ALK: variants seen among roughly 807,000 people sequenced by gnomAD.
ALK encodes the protein ALK tyrosine kinase receptor.
A neutral mutation model predicts 163.1 loss-of-function variants in ALK; 74 were observed. The ratio of observed to expected loss-of-function variants is 0.45; its 90% confidence interval spans 0.38 to 0.55. ALK has a LOEUF of 0.55. ALK is among the 20% of genes least tolerant of loss of function. The pLI is 0.00. For synonymous variants in ALK, 960 were observed against 843.2 expected (o/e 1.14, Z -2.40); for missense variants, 2,063 against 2,105.3 (o/e 0.98, Z 0.39).
At chr2:29,893,783 C>G (rs1667204412) in intron 1 of ALK, among the ~76,000 whole-genome samples, 1 of 152,072 alleles carries the variant, frequency 6.6e-6, no homozygotes, top group South Asian at 2.1e-4. Context: ...ATTTCAAGAA[C>G]AGTGGCTCAA....
At chr2:29,299,677 G>A (rs918797503) in intron 8 of ALK, among the ~76,000 whole-genome samples, 5 of 152,218 alleles carry the variant, frequency 3.3e-5, no homozygotes, top group Non-Finnish European at 4.4e-5. Flanking sequence ...AAGTGTAAGA[G>A]CACAAGGTTG....
chr2:29,494,843 CGTGTGTGT>C (rs35306598), intron 4 of ALK, among the ~76,000 whole-genome samples: 18 of 147,318 alleles, frequency 1.2e-4, no homozygotes, highest in Middle Eastern at 3.4e-3. Flanking sequence ...TTTAGAGACT[CGTGTGTGT>C]GTGTGTGTGT....
At chr2:29,917,581 G>A (rs1020151610) in intron 1 of ALK, among the ~76,000 whole-genome samples, 4 of 152,210 alleles carry the variant, frequency 2.6e-5, no homozygotes, top group Non-Finnish European at 4.4e-5. Flanking sequence ...CTGCAATGGA[G>A]ACTGTATCTG....
chr2:29,707,507 C>T (rs1025240564), intron 2 of ALK, among the ~76,000 whole-genome samples: 5 of 152,152 alleles, frequency 3.3e-5, no homozygotes, highest in African/African-American at 1.2e-4. Context: ...TGGGCTGCAT[C>T]TTGAAGGATG....
chr2:29,838,747 G>T (rs1246120470), intron 1 of ALK, among the ~76,000 whole-genome samples: 1 of 152,116 alleles, frequency 6.6e-6, no homozygotes, highest in Non-Finnish European at 1.5e-5. Flanking sequence ...ATGAATAACA[G>T]TGTTTGCCTC....
chr2:29,245,315 A>G (rs1249680725), intron 12 of ALK, among the ~76,000 whole-genome samples: 1 of 124,726 alleles, frequency 8.0e-6, no homozygotes, highest in Non-Finnish European at 1.6e-5. Flanking sequence ...AGTGCCCTGC[A>G]CACAGTAGGG....
chr2:29,316,999 C>T (rs532410205), intron 8 of ALK, among the ~76,000 whole-genome samples: 25 of 152,266 alleles, frequency 1.6e-4, no homozygotes, highest in African/African-American at 5.1e-4. Flanking sequence ...AACCACTCCT[C>T]GGATTAAAAA....
intron 9 of ALK, among the ~76,000 whole-genome samples, chr2:29,294,806 C>A (rs1296129368): frequency 1.3e-5 from 2 of 152,294 alleles, no homozygotes; most frequent in Middle Eastern, 6.8e-3. Flanking sequence ...AGTAAGTGAC[C>A]ATGGCAGTTT....
intron 4 of ALK, among the ~76,000 whole-genome samples, chr2:29,470,685 A>AT (rs11325298): frequency 0.028 from 4,146 of 148,842 alleles, 88 homozygotes; most frequent in Middle Eastern, 0.07. Context: ...AAACAGCTGA[A>AT]TTTTTTTTTT....
intron 1 of ALK, among the ~76,000 whole-genome samples, chr2:29,806,881 C>G (rs1260422727): frequency 6.6e-6 from 1 of 152,200 alleles, no homozygotes; most frequent in Non-Finnish European, 1.5e-5. Flanking sequence ...GAGGAACAAA[C>G]AGGGTTCTTG....
chr2:29,250,928 A>G (rs1385547491), intron 12 of ALK, among the ~76,000 whole-genome samples, 177 bp downstream of exon 12: 7 of 152,196 alleles, frequency 4.6e-5, no homozygotes. Flanking sequence ...TTTTGTTGCC[A>G]TATTTCACTC....
intron 4 of ALK, among the ~76,000 whole-genome samples, chr2:29,454,835 T>C (rs540106440): frequency 6.6e-6 from 1 of 152,274 alleles, no homozygotes; most frequent in South Asian, 2.1e-4. Context: ...TTGATACATA[T>C]AGTTAAAATT....
rs56364399 is a variant in ALK, at chr2:29,303,024, G to A, written c.1648-5967C>T. Among the ~76,000 whole-genome samples, 1,418 of 152,074 alleles carry A rather than the reference G, an allele frequency of 9.3e-3. 25 individuals carry two copies. Among genetic ancestry groups the A allele is most frequent in the African/African-American group, 0.031 (1,275 of 41,502 alleles). On this transcript the variant is annotated intron_variant, in intron 8 of 28. Transcript: ENST00000389048. The stretch of plus-strand genomic sequence containing the variant: ...CAACAAAAACAAAAATTGACAATGG[G>A]GACCTAACTAAAGAGCTTCTGCACA...
intron 12 of ALK, among the ~76,000 whole-genome samples, chr2:29,242,918 G>A (rs941101553): frequency 1.3e-5 from 2 of 152,236 alleles, no homozygotes; most frequent in Non-Finnish European, 2.9e-5. Context: ...ACCCAGACAA[G>A]GGGCTGGCTT....
At chr2:29,200,767 A>ACATG (rs781441279) in intron 26 of ALK, among the ~76,000 whole-genome samples, 27,222 of 132,204 alleles carry the variant, frequency 0.21, 4,768 homozygotes, top group East Asian at 0.68. Flanking sequence ...ATATGTATAT[A>ACATG]TATACGTATA....
At chr2:29,696,005 C>G (rs1678547954) in intron 2 of ALK, among the ~76,000 whole-genome samples, 1 of 152,082 alleles carries the variant, frequency 6.6e-6, no homozygotes, top group Admixed American at 6.6e-5. Flanking sequence ...CCAGCAATCC[C>G]CAGCAATCAC....
At chr2:29,555,503 T>C (rs1673827586) in intron 3 of ALK, among the ~76,000 whole-genome samples, 1 of 152,204 alleles carries the variant, frequency 6.6e-6, no homozygotes, top group Non-Finnish European at 1.5e-5. Flanking sequence ...TGTGAGTATT[T>C]GCTCTGTCCA....
intron 1 of ALK, among the ~76,000 whole-genome samples, chr2:29,742,978 T>C (rs1680102789): frequency 6.6e-6 from 1 of 152,188 alleles, no homozygotes; most frequent in African/African-American, 2.4e-5. Flanking sequence ...AATATCACAA[T>C]AATGGCCAGG....
At chr2:29,337,471 C>T (rs1474821412) in intron 5 of ALK, among the ~76,000 whole-genome samples, 1 of 152,148 alleles carries the variant, frequency 6.6e-6, no homozygotes, top group Non-Finnish European at 1.5e-5. Flanking sequence ...TCATAGTTGC[C>T]ATGGGCTTAG....
Sources: gnomAD v4.1 joint callset for allele counts (sites outside exome capture counted in the v4.1 genomes callset) on GRCh38, gnomAD v4.1.1 for gene constraint, MANE v1.5 for transcripts, NCBI Gene and HGNC (gene_info 2026-07-23, HGNC 2026-07-21) for gene names.